The following CSRP3 variants were observed in gnomAD, a reference collection of about 807,000 sequenced individuals.
CSRP3 encodes the protein cysteine and glycine rich protein 3, also known as cysteine and glycine-rich protein 3.
In CSRP3, 24 loss-of-function variants were observed where a neutral mutation model predicts 24.3. The observed-to-expected ratio is 0.99, with a 90% CI of 0.71 to 1.39. The LOEUF is 1.39. CSRP3 is among the 40% of genes most tolerant of loss of function. CSRP3 has a pLI of 0.00. For synonymous variants in CSRP3, 105 were observed against 94.0 expected (o/e 1.12, Z -0.68); for missense variants, 240 against 249.0 (o/e 0.96, Z 0.24).
At chr11:19,188,964 A>C (rs1040098957) in intron 2 of CSRP3, among the ~76,000 whole-genome samples, 1 of 152,190 alleles carries the variant, frequency 6.6e-6, no homozygotes, top group Non-Finnish European at 1.5e-5. Context: ...ATTTTTCCAA[A>C]GAGAGGATTT....
chr11:19,185,402 GA>G (rs1411205614), intron 4 of CSRP3, among the ~76,000 whole-genome samples: 3 of 151,946 alleles, frequency 2.0e-5, no homozygotes, highest in East Asian at 1.9e-4. Context: ...GTTACAGAAG[GA>G]AAAAAAATAA....
At chr11:19,186,164 A>G (rs1252035680) in intron 4 of CSRP3, 52 bp downstream of exon 4, 1 of 1,613,572 alleles carries the variant, frequency 6.2e-7, no homozygotes, top group South Asian at 1.1e-5. Flanking sequence ...TTCCTCCCAA[A>G]TGGCCTGGTG....
rs1401452451 is a variant in CSRP3, at chr11:19,188,175, C to T, written c.242G>A (p.Ser81Asn). The T allele has an allele frequency of 2.5e-6, 4 of 1,613,996 alleles. No homozygotes were observed. The African/African-American group carries it at 4.0e-5, about 16-fold the overall frequency. The change falls in exon 3 of 6, where the codon AGC becomes AAC. Residue 81 changes from serine (S) to asparagine (N), a missense_variant. Physicochemically the swap from Ser to Asn is conservative, Grantham distance 46. Transcript: ENST00000265968. ...GCCGAGATGCTCGCCCGTGTCTGTG[C>T]TGAGACAGCCAGCGCCTTGTCCATA... ...IGYGQGAGCLSTDTGEHLGLQ... is the reference protein window; with the variant it reads ...IGYGQGAGCLNTDTGEHLGLQ...
At chr11:19,195,005 T>A (rs573914378) in intron 1 of CSRP3, among the ~76,000 whole-genome samples, 1 of 151,742 alleles carries the variant, frequency 6.6e-6, no homozygotes, top group Non-Finnish European at 1.5e-5. Flanking sequence ...CAGAGAAGAG[T>A]CTTGTGAGAC....
At chr11:19,184,117 C>T (rs1248937403) in intron 5 of CSRP3, among the ~76,000 whole-genome samples, 2 of 152,180 alleles carry the variant, frequency 1.3e-5, no homozygotes, top group Admixed American at 6.5e-5. Context: ...TGAGAACAGA[C>T]TAATACAGCA....
At chr11:19,186,422 A>G in intron 3 of CSRP3, 74 bp from the exon 4 acceptor site, 1 of 1,578,888 alleles carries the variant, frequency 6.3e-7, no homozygotes, top group Non-Finnish European at 8.7e-7. Flanking sequence ...TGGCCTTGAG[A>G]AAGTGACCTC....
At chr11:19,184,312 C>T (rs975807593) in intron 5 of CSRP3, among the ~76,000 whole-genome samples, 4 of 152,144 alleles carry the variant, frequency 2.6e-5, no homozygotes, top group Admixed American at 6.5e-5. Context: ...CTAGTGCATT[C>T]CTTCCTTTGA....
chr11:19,191,526 C>A (rs987943993), intron 2 of CSRP3, among the ~76,000 whole-genome samples: 1 of 152,184 alleles, frequency 6.6e-6, no homozygotes, highest in Non-Finnish European at 1.5e-5. Flanking sequence ...ACAGGACTAG[C>A]TGCCAGGAAA....
intron 5 of CSRP3, among the ~76,000 whole-genome samples, chr11:19,184,548 C>T (rs745693845): frequency 7.2e-5 from 11 of 152,218 alleles, no homozygotes; most frequent in Admixed American, 2.6e-4. Context: ...TCACCCTCCT[C>T]CAGTCACCCC....
At chr11:19,192,800 C>T (rs780182255) in intron 1 of CSRP3, among the ~76,000 whole-genome samples, 3 of 151,784 alleles carry the variant, frequency 2.0e-5, no homozygotes, top group African/African-American at 4.8e-5. Flanking sequence ...ATACAAAGAT[C>T]GTTTTTTTTT....
In CSRP3 at chr11:19,182,711, C is replaced by G. The variant is rs111868331; in HGVS notation, c.544G>C (p.Gly182Arg). The change falls in exon 6 of 6, where the codon GGG (glycine) becomes CGG (arginine). Residue 182 changes from glycine to arginine, a missense_variant. Gly to Arg is a moderately radical substitution (Grantham distance 125). Transcript: ENST00000265968. ...ACTTGTTGTGTAAGGCCTCCAAACC[C>G]AATACCCGTGGGGCCAAAATTTTTG... is the stretch of plus-strand genomic sequence containing the variant. ...YAKNFGPTGI[G>R]FGGLTQQVEK... is the part of the protein sequence containing the mutation. 40 of 1,614,032 alleles carry G rather than the reference C, an allele frequency of 2.5e-5. No homozygotes were observed. The African/African-American group carries it at 4.5e-4, about 18-fold the overall frequency.
Position 19,182,727 on chromosome 11 carries a change from A to G in CSRP3, c.528T>C (p.Phe176=). The change falls in exon 6 of 6, where the codon TTT becomes TTC. Residue 176 remains phenylalanine (F), a synonymous_variant. Transcript: ENST00000265968. ...CTCCAAACCCAATACCCGTGGGGCCAAAATTTTTGGCATAGCAAACTGTGA... is the reference window on the plus strand; with the variant it reads ...CTCCAAACCCAATACCCGTGGGGCCGAAATTTTTGGCATAGCAAACTGTGA... ...LYCKVCYAKN[F]GPTGIGFGGL... The G allele has an allele frequency of 6.2e-7, 1 of 1,613,886 alleles. No homozygotes were observed. Among genetic ancestry groups the G allele is most frequent in the Middle Eastern group, 1.6e-4 (1 of 6,062 alleles).
intron 1 of CSRP3, among the ~76,000 whole-genome samples, chr11:19,197,501 CTCTTTCTT>C (rs747850845): frequency 0.078 from 5,233 of 67,036 alleles, 205 homozygotes; most frequent in Middle Eastern, 0.099. Context: ...CCCTCTTTTC[CTCTTTCTT>C]TCTTTCTTTC....
At chr11:19,201,600 A>C (rs1850844542) in intron 1 of CSRP3, among the ~76,000 whole-genome samples, 2 of 152,264 alleles carry the variant, frequency 1.3e-5, no homozygotes, top group South Asian at 4.1e-4. Context: ...TAAGACGAGA[A>C]GGTCAGCAGA....
intron 3 of CSRP3, among the ~76,000 whole-genome samples, chr11:19,187,003 T>C (rs1025997148): frequency 6.6e-6 from 1 of 152,106 alleles, no homozygotes; most frequent in Non-Finnish European, 1.5e-5. Flanking sequence ...GCAGGGCTGG[T>C]TGGAGGAGAG....
intron 1 of CSRP3, among the ~76,000 whole-genome samples, chr11:19,196,464 A>G (rs1005957781): frequency 6.6e-4 from 100 of 152,310 alleles, no homozygotes; most frequent in African/African-American, 2.3e-3. Flanking sequence ...CTCAAATGGC[A>G]CCAATGTGCT....
intron 3 of CSRP3, among the ~76,000 whole-genome samples, chr11:19,187,610 T>G (rs1228354349): frequency 6.6e-6 from 1 of 152,208 alleles, no homozygotes; most frequent in African/African-American, 2.4e-5. Flanking sequence ...TAGCACTGTA[T>G]TGGCAACAGG....
At chr11:19,194,747 G>A (rs754467521) in intron 1 of CSRP3, among the ~76,000 whole-genome samples, 2 of 151,970 alleles carry the variant, frequency 1.3e-5, no homozygotes, top group African/African-American at 2.4e-5. Flanking sequence ...TCTGTAGTTC[G>A]GGTTGTTTAG....
chr11:19,200,224 G>C (rs1011049379), intron 1 of CSRP3, among the ~76,000 whole-genome samples: 1 of 152,186 alleles, frequency 6.6e-6, no homozygotes, highest in Non-Finnish European at 1.5e-5. Flanking sequence ...AAGTCCCTTT[G>C]ATAGAGGTAG....
Sources: gnomAD v4.1 joint callset for allele counts (sites outside exome capture counted in the v4.1 genomes callset) on GRCh38, gnomAD v4.1.1 for gene constraint, MANE v1.5 for transcripts, NCBI Gene and HGNC (gene_info 2026-07-23, HGNC 2026-07-21) for gene names.